Variants in UBE2D3 observed in about 807,000 individuals in gnomAD.
UBE2D3 encodes ubiquitin-conjugating enzyme E2 D3.
Under a neutral mutation model 22.8 loss-of-function variants are expected in UBE2D3, and 2 were observed. The observed-to-expected ratio is 0.09, with a 90% CI of 0.04 to 0.28. The LOEUF is 0.28. Among genes scored for constraint, UBE2D3 ranks in the 10% least tolerant of loss-of-function variants. The probability of loss-of-function intolerance (pLI) is 1.00; values close to 1 mark genes in which losing one functional copy is unlikely to be tolerated. For synonymous variants in UBE2D3, 56 were observed against 60.4 expected (o/e 0.93, Z 0.34); for missense variants, 27 against 182.5 (o/e 0.15, Z 4.91).
At position 102,825,708 on chromosome 4, in the gene UBE2D3, G is replaced by A. The variant is rs1018381045; in HGVS notation, c.24+777C>T. ...CAAGGGTGTTATTAAATAGAATGAG[G>A]CAAAAATAGGTACATTAGCTTTCCC... is the stretch of plus-strand genomic sequence containing the variant. On this transcript the variant is annotated intron_variant, in intron 2 of 7. Transcript: ENST00000453744. The A allele has an allele frequency of 1.7e-4, 104 of 603,870 alleles. 1 individual carries two copies. The highest frequency in any genetic ancestry group is 2.7e-4 in the Non-Finnish European group (97 of 362,668). 37.4% of individuals were successfully genotyped at this position (603,870 alleles called of 1,614,324 possible).
rs574775143 is a variant in UBE2D3 at position 102,863,319 on chromosome 4, G to A, written c.-129+5396C>T. Among the ~76,000 whole-genome samples, 14 of 152,068 alleles carry A rather than the reference G, an allele frequency of 9.2e-5. No homozygotes were observed. In the South Asian group the frequency reaches 1.2e-3, roughly 14 times the overall value. On this transcript the variant is annotated intron_variant, in intron 1 of 7. Transcript: ENST00000338145. Reference sequence around the variant, plus strand: ...ACCCACCTTGGCCTCCCAAAGTGCCGGGATTACAGGCGTGAGCCACCGAGC... The same window carrying A: ...ACCCACCTTGGCCTCCCAAAGTGCCAGGATTACAGGCGTGAGCCACCGAGC...
rs1273665368 is a variant in UBE2D3, at chr4:102,801,554, T to C, written c.204A>G (p.Ala68=). Residue 68 remains alanine (A), a synonymous_variant, in exon 6 of 8, where the codon GCA becomes GCG. Coordinates refer to ENST00000453744, the MANE Select transcript of UBE2D3 (RefSeq NM_181891.3). The part of the protein sequence containing the change: ...TDYPFKPPKV[A]FTTRIYHPNI... ...TTGGATGATAAATTCTTGTTGTAAA[T>C]GCAACCTAAAACAAAAACTTTTAAG... The C allele has an allele frequency of 1.2e-6, 2 of 1,602,946 alleles. No individual in the cohort carries two copies. Among genetic ancestry groups the C allele is most frequent in the Admixed American group, 3.4e-5 (2 of 58,722 alleles).
chr4:102,867,086 T>C (rs182396678), intron 1 of UBE2D3, among the ~76,000 whole-genome samples: 9 of 152,356 alleles, frequency 5.9e-5, no homozygotes, highest in Admixed American at 5.2e-4. Flanking sequence ...TGAACCTGTA[T>C]CTAAACGTGT....
chr4:102,802,605 A>G lies in UBE2D3; in HGVS notation c.154T>C (p.Leu52=). The change falls in exon 5 of 8, where the codon TTG becomes CTG. Residue 52 remains leucine, a synonymous_variant. Transcript: ENST00000453744. ...TAGTCTGTAGGAAAATGAATTGTCA[A>G]AAAGAATACACCGCCTTGATATGGG... is the stretch of plus-strand genomic sequence containing the variant. ...DSPYQGGVFF[L]TIHFPTDYPF... 3.7e-6 allele frequency: 6 copies of G among 1,608,122 alleles called. No individual in the cohort carries two copies. Among genetic ancestry groups the G allele is most frequent in the South Asian group, 1.1e-5 (1 of 90,198 alleles).
intron 2 of UBE2D3, among the ~76,000 whole-genome samples, chr4:102,822,464 C>T (rs1278365225): frequency 6.6e-6 from 1 of 152,190 alleles, no homozygotes; most frequent in Non-Finnish European, 1.5e-5. Context: ...CTTGAAGAGA[C>T]TACCCCAAAA....
At chr4:102,826,971 G>A in intron 1 of UBE2D3, 1 of 999,006 alleles carries the variant, frequency 1.0e-6, no homozygotes, top group African/African-American at 1.7e-5. Context: ...CGTCACTAGG[G>A]CAAAGAAAGG....
rs201385501 is a variant in UBE2D3 at position 102,804,683 on chromosome 4, G to GT, written c.121-2046dup. 5.5e-3 allele frequency among the ~76,000 whole-genome samples: 833 copies of GT among 151,652 alleles called. 7 individuals are homozygous for GT. Among genetic ancestry groups the GT allele is most frequent in the African/African-American group, 0.019 (790 of 41,366 alleles). ...AATCCCAAACACTAAAGTTGTTTTTGTTTTTTTTGAGACAGGGTCTTGCTC... is the reference window on the plus strand; with the variant it reads ...AATCCCAAACACTAAAGTTGTTTTTGTTTTTTTTTGAGACAGGGTCTTGCTC... On this transcript the variant is annotated intron_variant, in intron 4 of 7. Transcript: ENST00000453744.
intron 1 of UBE2D3, among the ~76,000 whole-genome samples, chr4:102,860,651 C>T (rs1463150991): frequency 2.0e-5 from 3 of 151,934 alleles, no homozygotes; most frequent in African/African-American, 7.2e-5. Context: ...TTCTTTCAAT[C>T]TCACAAAGCT....
chr4:102,812,991 G>A (rs993639191), intron 2 of UBE2D3: 1 of 152,124 alleles, frequency 6.6e-6, no homozygotes, highest in Non-Finnish European at 1.5e-5. Context: ...AGAGATATTA[G>A]CAAAACAGCA....
At chr4:102,799,283 G>C (rs953243474) in intron 7 of UBE2D3, 124 bp downstream of exon 7, 30 of 779,084 alleles carry the variant, frequency 3.9e-5, no homozygotes, top group African/African-American at 3.5e-4. Context: ...CATTTCAATA[G>C]CTTTCTCCAT....
At position 102,798,935 on chromosome 4, in the gene UBE2D3, CAT is replaced by C; in HGVS notation, c.398+470_398+471del. On this transcript the variant is annotated intron_variant, in intron 7 of 7. Transcript: ENST00000453744. Reference sequence around the variant, plus strand: ...GAGTGCAGATCCTCTTACCCTACAACATAGCGTATTTCTCTGTCCACTCTCTT... The same window carrying C: ...GAGTGCAGATCCTCTTACCCTACAACAGCGTATTTCTCTGTCCACTCTCTT... The C allele has an allele frequency of 2.5e-6, 4 of 1,611,924 alleles. No homozygotes were observed. The Admixed American group carries it at 6.7e-5, about 27-fold the overall frequency.
In UBE2D3 at chr4:102,809,776, C is replaced by T. The variant is rs1478902122; in HGVS notation, c.88+16G>A. The T allele has an allele frequency of 6.2e-7, 1 of 1,613,592 alleles. No homozygotes were observed. The highest frequency in any genetic ancestry group is 2.2e-5 in the East Asian group (1 of 44,880). ...AAAAAAAATTAGGCATAAAAATCAA[C>T]TTGCAAGTTACTTACTATCATCCCC... is the stretch of plus-strand genomic sequence containing the variant. On this transcript the variant is annotated intron_variant, in intron 3 of 7. Transcript: ENST00000453744.
Position 102,809,805 on chromosome 4 carries a change from T to A in UBE2D3, c.75A>T (p.Pro25=). 6.2e-7 allele frequency: 1 copy of A among 1,614,048 alleles called. No individual in the cohort carries two copies. The highest frequency in any genetic ancestry group is 8.5e-7 in the Non-Finnish European group (1 of 1,180,016). Reference sequence around the variant, plus strand: ...CAAGTTACTTACTATCATCCCCAACTGGACCTGCAGAACATTGTGCTGGAG... The same window carrying A: ...CAAGTTACTTACTATCATCCCCAACAGGACCTGCAGAACATTGTGCTGGAG... ...RDPPAQCSAG[P]VGDDMFHWQA... is the part of the protein sequence containing the mutation. Residue 25 remains proline, a synonymous_variant, in exon 3 of 8, where the codon CCA becomes CCT. Transcript: ENST00000453744.
chr4:102,830,518 A>G (rs1173946067), upstream of UBE2D3, among the ~76,000 whole-genome samples: 1 of 152,226 alleles, frequency 6.6e-6, no homozygotes, highest in African/African-American at 2.4e-5. Context: ...TAAATATAGT[A>G]GATCAGATTA....
intron 5 of UBE2D3, 76 bp from the exon 6 acceptor site, chr4:102,801,635 C>A: frequency 8.3e-7 from 1 of 1,204,464 alleles, no homozygotes; most frequent in Non-Finnish European, 1.2e-6. Context: ...AATAATCAAG[C>A]CACAATGTTA....
intron 1 of UBE2D3, among the ~76,000 whole-genome samples, chr4:102,866,950 T>A (rs1733172184): frequency 6.6e-6 from 1 of 152,208 alleles, no homozygotes; most frequent in African/African-American, 2.4e-5. Flanking sequence ...GATATTCAAG[T>A]TCCATCATCT....
At chr4:102,843,299 CA>C (rs1731863787) in intron 1 of UBE2D3, 2 of 151,244 alleles carry the variant, frequency 1.3e-5, no homozygotes, top group Admixed American at 1.3e-4. Context: ...GATTTTGTTT[CA>C]TTTTTTTTTT....
chr4:102,845,488 G>A (rs1034298570), intron 1 of UBE2D3, among the ~76,000 whole-genome samples: 1 of 152,110 alleles, frequency 6.6e-6, no homozygotes, highest in Non-Finnish European at 1.5e-5. Flanking sequence ...GGAACAATTC[G>A]TTGTATACAG....
intron 1 of UBE2D3, among the ~76,000 whole-genome samples, chr4:102,849,218 G>T (rs1030526163): frequency 6.6e-6 from 1 of 150,996 alleles, no homozygotes; most frequent in Admixed American, 6.6e-5. Flanking sequence ...AAAAAAACTA[G>T]CTGGGTGTGG....
Sources: gnomAD v4.1 joint callset for allele counts (sites outside exome capture counted in the v4.1 genomes callset) on GRCh38, gnomAD v4.1.1 for gene constraint, MANE v1.5 for transcripts, NCBI Gene and HGNC (gene_info 2026-07-23, HGNC 2026-07-21) for gene names.